CNNM2: variants seen among roughly 807,000 people sequenced by gnomAD.
CNNM2 encodes the protein metal transporter CNNM2.
In CNNM2, 12 loss-of-function variants were observed where a neutral mutation model predicts 66.9. The observed-to-expected ratio is 0.18, with a 90% CI of 0.11 to 0.29. The LOEUF is 0.29. Among genes scored for constraint, CNNM2 ranks in the 10% least tolerant of loss-of-function variants. The pLI, the probability that CNNM2 is intolerant of heterozygous loss-of-function variation, is 1.00. For synonymous variants in CNNM2, 557 were observed against 501.8 expected, an observed-to-expected ratio of 1.11 and a Z score of -1.47; for missense variants, 705 against 1,167.7, an observed-to-expected ratio of 0.60 and a Z score of 5.77.
chr10:103,038,060 G>A (rs1230176837), intron 1 of CNNM2, among the ~76,000 whole-genome samples: 6 of 152,010 alleles, frequency 3.9e-5, no homozygotes, highest in Admixed American at 2.0e-4. Context: ...GCCTGGTCTC[G>A]AACTCCTGAC....
chr10:102,927,596 C>T, intron 1 of CNNM2: 1 of 760,812 alleles, frequency 1.3e-6, no homozygotes, highest in South Asian at 2.1e-5. Flanking sequence ...AACCCCGTTT[C>T]TAATAAAAAT....
chr10:103,063,383 C>T (rs568801924), intron 4 of CNNM2, among the ~76,000 whole-genome samples: 21 of 152,242 alleles, frequency 1.4e-4, no homozygotes, highest in East Asian at 9.7e-4. Context: ...TTTGTGATGG[C>T]GATTTAAAAA....
At position 103,050,279 on chromosome 10, in the gene CNNM2, C is replaced by G. The variant is rs144573631; in HGVS notation, c.1765+429C>G. On this transcript the variant is annotated intron_variant, in intron 2 of 7. Coordinates refer to ENST00000369878, the MANE Select transcript of CNNM2 (RefSeq NM_017649.5). ...GGGCGTGGTGGCTCACGTGTGTAAT[C>G]CCAGCACTTTAGGAGGCCGAGGCAG... Among the ~76,000 whole-genome samples the G allele has an allele frequency of 3.6e-3, 548 of 152,170 alleles. 4 individuals carry two copies. The highest frequency in any genetic ancestry group is 0.013 in the African/African-American group (535 of 41,516).
intron 4 of CNNM2, among the ~76,000 whole-genome samples, chr10:103,065,885 T>A (rs1263782473): frequency 6.6e-6 from 1 of 152,176 alleles, no homozygotes; most frequent in Non-Finnish European, 1.5e-5. Flanking sequence ...GTTCCTCCCC[T>A]CCTCTTTGAA....
intron 1 of CNNM2, chr10:102,927,527 A>G (rs1845913290): frequency 6.2e-6 from 9 of 1,458,122 alleles, no homozygotes; most frequent in African/African-American, 1.4e-5. Context: ...TGGGAGGCCC[A>G]GGGAGGTGGA....
rs1297190742 is a variant in CNNM2 at position 102,919,218 on chromosome 10, C to G, written c.738C>G (p.Gly246=). The part of the protein sequence containing the change: ...HDGEDTKMIV[G]EEKKFLLPFW... ...GCGAGGACACCAAGATGATCGTAGG[C>G]GAAGAGAAGAAGTTCCTGCTGCCCT... The change falls in exon 1 of 8, where the codon GGC becomes GGG. Residue 246 remains glycine, a synonymous_variant. Transcript: ENST00000369878. The G allele has an allele frequency of 6.2e-7, 1 of 1,612,960 alleles. No individual in the cohort carries two copies. The highest frequency in any genetic ancestry group is 1.3e-5 in the African/African-American group (1 of 74,934).
At chr10:103,048,301 C>T (rs541335766) in intron 1 of CNNM2, among the ~76,000 whole-genome samples, 27 of 151,444 alleles carry the variant, frequency 1.8e-4, no homozygotes, top group South Asian at 6.3e-4. Flanking sequence ...CTGCAACCTC[C>T]GCCTCCCAGA....
chr10:103,047,575 T>C (rs1257386916), intron 1 of CNNM2, among the ~76,000 whole-genome samples: 1 of 152,196 alleles, frequency 6.6e-6, no homozygotes, highest in African/African-American at 2.4e-5. Flanking sequence ...ATGTTAACAA[T>C]GGGGGAAACC....
chr10:103,079,725 A>C lies in CNNM2; in HGVS notation c.*2545A>C, dbSNP rs1033231927. 6.6e-6 allele frequency: 1 copy of C among 152,156 alleles called. No individual in the cohort carries two copies. The highest frequency in any genetic ancestry group is 1.5e-5 in the Non-Finnish European group (1 of 68,022). The allele number at this position is 152,156 out of a possible 1,614,324, so 9.4% of individuals were successfully genotyped here. A position where few individuals can be genotyped will look rare whatever the true frequency, so the allele number is the denominator to read the frequency against. ...GCCAAGTTCGTATTCATTTTCTGTT[A>C]TTCTTTACCTTCTGTTAGTCACACT... On this transcript the variant is annotated 3_prime_UTR_variant, in exon 8 of 8. Transcript: ENST00000369878.
At chr10:103,061,603 A>G (rs1590483411) in intron 4 of CNNM2, among the ~76,000 whole-genome samples, 1 of 152,152 alleles carries the variant, frequency 6.6e-6, no homozygotes, top group East Asian at 1.9e-4. Flanking sequence ...AAAAACTCAC[A>G]ATTTCTATAT....
chr10:102,966,551 T>C (rs1374790902), intron 1 of CNNM2, among the ~76,000 whole-genome samples: 1 of 152,150 alleles, frequency 6.6e-6, no homozygotes, highest in Non-Finnish European at 1.5e-5. Flanking sequence ...TGCTTGAACC[T>C]GGGAGACGGA....
At position 103,068,641 on chromosome 10, in the gene CNNM2, G is replaced by C; in HGVS notation, c.2086G>C (p.Val696Leu). 1.2e-6 allele frequency: 2 copies of C among 1,612,204 alleles called. No individual in the cohort carries two copies. Among genetic ancestry groups the C allele is most frequent in the Non-Finnish European group, 1.7e-6 (2 of 1,179,182 alleles). The change falls in exon 5 of 8, where the codon GTT (valine) becomes CTT (leucine). Residue 696 changes from valine to leucine, a missense_variant. Val to Leu is a conservative substitution (Grantham distance 32). Transcript: ENST00000369878. Reference sequence around the variant, plus strand: ...TTTCTCTCCACAGGGGAAAGTGGAAGTTGAAGCTGGGAAAGAAGGTATGAA... The same window carrying C: ...TTTCTCTCCACAGGGGAAAGTGGAACTTGAAGCTGGGAAAGAAGGTATGAA... ...FVLILQGKVEVEAGKEGMKFE... is the reference protein window; with the variant it reads ...FVLILQGKVELEAGKEGMKFE...
chr10:102,996,357 A>G (rs1187622525), intron 1 of CNNM2, among the ~76,000 whole-genome samples: 2 of 151,802 alleles, frequency 1.3e-5, no homozygotes, highest in African/African-American at 4.8e-5. Context: ...TTTATTATCA[A>G]GGCCTTTTCT....
chr10:102,983,593 G>A (rs1009304917), intron 1 of CNNM2, among the ~76,000 whole-genome samples: 1 of 151,588 alleles, frequency 6.6e-6, no homozygotes, highest in African/African-American at 2.4e-5. Context: ...TGCACACCAC[G>A]ATGCTCGGCT....
chr10:102,959,877 C>G (rs1847179786), intron 1 of CNNM2, among the ~76,000 whole-genome samples: 2 of 151,952 alleles, frequency 1.3e-5, no homozygotes, highest in African/African-American at 4.8e-5. Flanking sequence ...ATGGTGAAAC[C>G]CCGTCTCTAC....
intron 1 of CNNM2, among the ~76,000 whole-genome samples, chr10:103,014,260 A>C (rs560297828): frequency 6.6e-6 from 1 of 152,320 alleles, no homozygotes; most frequent in Admixed American, 6.5e-5. Flanking sequence ...CTTGCCCTCA[A>C]AGTATGCATA....
intron 1 of CNNM2, among the ~76,000 whole-genome samples, chr10:102,973,238 C>T (rs1440912934): frequency 1.3e-5 from 2 of 151,106 alleles, no homozygotes; most frequent in African/African-American, 2.4e-5. Context: ...CCAGATTAAT[C>T]TTCCCAGACC....
intron 1 of CNNM2, among the ~76,000 whole-genome samples, chr10:102,942,270 G>A (rs1180837374): frequency 3.3e-5 from 5 of 152,106 alleles, no homozygotes; most frequent in African/African-American, 7.2e-5. Flanking sequence ...ATTCCAGAAC[G>A]CTTTTCATCT....
At chr10:103,029,730 G>C (rs1025332240) in intron 1 of CNNM2, among the ~76,000 whole-genome samples, 1 of 152,072 alleles carries the variant, frequency 6.6e-6, no homozygotes, top group Non-Finnish European at 1.5e-5. Context: ...GCCAGGCATG[G>C]CGGCACGTGC....
Sources: allele counts gnomAD v4.1 joint callset (sites outside exome capture counted in the v4.1 genomes callset), GRCh38; gene constraint gnomAD v4.1.1; transcripts MANE v1.5; gene names NCBI Gene and HGNC (gene_info 2026-07-23, HGNC 2026-07-21).